Variants in ADAMTSL1 observed in about 807,000 individuals in gnomAD.
ADAMTSL1 encodes ADAMTS-like protein 1.
In ADAMTSL1, 126 loss-of-function variants were observed where a neutral mutation model predicts 201.8. The ratio of observed to expected loss-of-function variants is 0.62; its 90% CI spans 0.54 to 0.72. The LOEUF (loss-of-function observed/expected upper bound fraction) is 0.72, where lower values mean the gene tolerates loss of function less well. Among genes scored for constraint, ADAMTSL1 ranks in the 30% least tolerant of loss-of-function variants. ADAMTSL1 has a pLI of 0.00. For missense variants in ADAMTSL1, 2,679 were observed against 2,277.8 expected (o/e 1.18, Z -3.59); for synonymous variants, 1,121 against 903.4 (o/e 1.24, Z -4.32).
At chr9:18,129,471 G>GT (rs1657271463) in intron 1 of ADAMTSL1, among the ~76,000 whole-genome samples, 1 of 152,116 alleles carries the variant, frequency 6.6e-6, no homozygotes, top group South Asian at 2.1e-4. Flanking sequence ...CCCCTGAGAA[G>GT]ACCTGCTTAC....
At chr9:18,792,589 G>T (rs112218606) in intron 19 of ADAMTSL1, among the ~76,000 whole-genome samples, 8 of 152,260 alleles carry the variant, frequency 5.3e-5, no homozygotes, top group African/African-American at 1.9e-4. Context: ...GATCTTCTGA[G>T]TTCCATCATT....
intron 23 of ADAMTSL1, among the ~76,000 whole-genome samples, chr9:18,878,085 C>T (rs1828281998): frequency 6.6e-6 from 1 of 152,178 alleles, no homozygotes; most frequent in African/African-American, 2.4e-5. Flanking sequence ...TCACCCAGCT[C>T]CCATGCAGCC....
intron 1 of ADAMTSL1, among the ~76,000 whole-genome samples, chr9:18,041,394 T>G (rs1337344101): frequency 6.6e-6 from 1 of 152,156 alleles, no homozygotes; most frequent in Non-Finnish European, 1.5e-5. Flanking sequence ...AATAGAAAAG[T>G]CAATAAAGCA....
chr9:18,522,032 C>T (rs374744625), intron 2 of ADAMTSL1, among the ~76,000 whole-genome samples: 1 of 152,178 alleles, frequency 6.6e-6, no homozygotes, highest in African/African-American at 2.4e-5. Context: ...GAGCTTTACA[C>T]ACAGGGTCCA....
intron 19 of ADAMTSL1, chr9:18,793,201 A>G (rs1563805615): frequency 6.6e-6 from 1 of 152,236 alleles, no homozygotes; most frequent in Admixed American, 6.5e-5. Context: ...CTGCCCATAT[A>G]TAACTCGATT....
chr9:18,280,719 A>C lies in ADAMTSL1; in HGVS notation c.207+116738A>C, dbSNP rs138761015. On this transcript the variant is annotated intron_variant, in intron 2 of 29. Coordinates refer to the ADAMTSL1 transcript ENST00000680146. ...GTAAAATTGATATTAGTTACGTAGA[A>C]ATATAAGTGACTTGTCTTTTAACCT... 1.9e-3 allele frequency among the ~76,000 whole-genome samples: 283 copies of C among 152,338 alleles called. 1 individual carries two copies. Among genetic ancestry groups the C allele is most frequent in the African/African-American group, 6.6e-3 (274 of 41,578 alleles).
intron 2 of ADAMTSL1, among the ~76,000 whole-genome samples, chr9:18,194,319 G>C (rs775781015): frequency 8.5e-5 from 13 of 152,092 alleles, no homozygotes; most frequent in Non-Finnish European, 1.6e-4. Flanking sequence ...GACACCAGTA[G>C]AGAAGACATT....
At chr9:18,614,760 G>T (rs1003438299) in intron 4 of ADAMTSL1, among the ~76,000 whole-genome samples, 1 of 152,094 alleles carries the variant, frequency 6.6e-6, no homozygotes, top group Non-Finnish European at 1.5e-5. Flanking sequence ...AATGCCTTAT[G>T]CTCAGTTGAT....
At chr9:18,167,765 G>A (rs1827700164) in intron 2 of ADAMTSL1, among the ~76,000 whole-genome samples, 1 of 151,870 alleles carries the variant, frequency 6.6e-6, no homozygotes, top group African/African-American at 2.4e-5. Context: ...ATATTAGAAT[G>A]TAAGCACTAG....
intron 3 of ADAMTSL1, among the ~76,000 whole-genome samples, chr9:18,556,026 A>G (rs1052108487): frequency 7.9e-5 from 12 of 151,958 alleles, no homozygotes; most frequent in Non-Finnish European, 1.5e-4. Flanking sequence ...AAGAAAGAAG[A>G]AAACAGAGAC....
chr9:18,561,782 C>A (rs1296342106), intron 3 of ADAMTSL1, among the ~76,000 whole-genome samples: 1 of 152,088 alleles, frequency 6.6e-6, no homozygotes, highest in Admixed American at 6.6e-5. Context: ...ATGTAATGCC[C>A]TTCTTTGTCT....
intron 2 of ADAMTSL1, among the ~76,000 whole-genome samples, chr9:18,464,606 T>A (rs1028966514): frequency 1.3e-5 from 2 of 152,162 alleles, no homozygotes; most frequent in African/African-American, 2.4e-5. Context: ...TCAACAAAAA[T>A]TAATCACAAT....
In ADAMTSL1 at chr9:18,014,995, G is replaced by A. The variant is rs191229234; in HGVS notation, c.87+108073G>A. 2.1e-4 allele frequency among the ~76,000 whole-genome samples: 32 copies of A among 152,128 alleles called. No individual in the cohort carries two copies. The East Asian group carries it at 5.2e-3, about 25-fold the overall frequency. ...TAGACATCAGGAATAGCCTGTAGGT[G>A]GTAATATAAATAATAGCAATCATAG... is the stretch of plus-strand genomic sequence containing the variant. On this transcript the variant is annotated intron_variant, in intron 1 of 29. Coordinates refer to the ADAMTSL1 transcript ENST00000680146.
intron 1 of ADAMTSL1, among the ~76,000 whole-genome samples, chr9:18,045,524 C>T (rs1821620846): frequency 6.6e-6 from 1 of 151,952 alleles, no homozygotes; most frequent in Admixed American, 6.6e-5. Context: ...ACAAAGATAC[C>T]CATTCATGAT....
chr9:18,760,168 A>G (rs1171564413), intron 16 of ADAMTSL1, among the ~76,000 whole-genome samples: 1 of 152,112 alleles, frequency 6.6e-6, no homozygotes, highest in Non-Finnish European at 1.5e-5. Context: ...CCTGCTTTCT[A>G]CCTGGAAACT....
intron 2 of ADAMTSL1, among the ~76,000 whole-genome samples, chr9:18,208,111 A>C (rs1429830597): frequency 6.6e-6 from 1 of 152,186 alleles, no homozygotes; most frequent in East Asian, 1.9e-4. Context: ...TTAGGGGTAC[A>C]AAAATAGTTG....
At chr9:18,156,156 A>T (rs1240856634) in intron 1 of ADAMTSL1, among the ~76,000 whole-genome samples, 32 of 152,132 alleles carry the variant, frequency 2.1e-4, no homozygotes, top group Non-Finnish European at 2.9e-5. Context: ...ATGCTCAGTC[A>T]TTGGAACAGC....
At chr9:18,618,691 T>G (rs562230832) in intron 4 of ADAMTSL1, among the ~76,000 whole-genome samples, 1 of 152,076 alleles carries the variant, frequency 6.6e-6, no homozygotes, top group African/African-American at 2.4e-5. Flanking sequence ...CAAGATTGTC[T>G]CATTTCCAAG....
chr9:18,762,499 C>T (rs1820131146), intron 16 of ADAMTSL1, among the ~76,000 whole-genome samples: 1 of 152,110 alleles, frequency 6.6e-6, no homozygotes, highest in Non-Finnish European at 1.5e-5. Flanking sequence ...CATTGAGTTA[C>T]AAACAACCCA....
Sources: gnomAD v4.1 joint callset for allele counts (sites outside exome capture counted in the v4.1 genomes callset) on GRCh38, gnomAD v4.1.1 for gene constraint, MANE v1.5 for transcripts, NCBI Gene and HGNC (gene_info 2026-07-23, HGNC 2026-07-21) for gene names.